Variants in SNTG2 observed in about 807,000 individuals in gnomAD.
The protein encoded by SNTG2 is syntrophin gamma 2.
SNTG2 carries 74 observed loss-of-function variants against 70.9 expected under a neutral mutation model. That is an observed-to-expected ratio of 1.04 (90% CI 0.86 to 1.27). The LOEUF is 1.27. Among genes scored for constraint, SNTG2 ranks in the 50% most tolerant of loss-of-function variants. The pLI is 0.00. For missense variants in SNTG2, 717 were observed against 690.7 expected (o/e 1.04, Z -0.43); for synonymous variants, 278 against 273.8 (o/e 1.02, Z -0.15).
chr2:987,265 G>C (rs2147974040), intron 1 of SNTG2, among the ~76,000 whole-genome samples: 1 of 152,306 alleles, frequency 6.6e-6, no homozygotes, highest in African/African-American at 2.4e-5. Flanking sequence ...ACTGCGCTGG[G>C]TTAAAGCCAG....
intron 14 of SNTG2, among the ~76,000 whole-genome samples, chr2:1,275,095 T>C (rs151018690): frequency 1.3e-5 from 2 of 152,270 alleles, no homozygotes; most frequent in East Asian, 3.9e-4. Flanking sequence ...CTGAAAAATC[T>C]CATCCAGTCT....
chr2:1,241,464 TC>T (rs1677039462), intron 11 of SNTG2, among the ~76,000 whole-genome samples: 1 of 150,194 alleles, frequency 6.7e-6, no homozygotes, highest in Non-Finnish European at 1.5e-5. Context: ...GAAAGCATTT[TC>T]TTTTTTTTTT....
In SNTG2 at chr2:1,165,571, C is replaced by A. The variant is rs199527480; in HGVS notation, c.435C>A (p.Gly145=). The change falls in exon 7 of 17, where the codon GGC becomes GGA. Residue 145 remains glycine (G), a synonymous_variant. Coordinates refer to ENST00000308624, the MANE Select transcript of SNTG2 (RefSeq NM_018968.4). ...AGGTGCATCTGCTGAGAAATGCTGG[C>A]GATGAAGTTACCATCACCGTTGAGT... The part of the protein sequence containing the change: ...EEVVHLLRNA[G]DEVTITVEYL... The A allele has an allele frequency of 1.2e-6, 2 of 1,611,566 alleles. No homozygotes were observed. The highest frequency in any genetic ancestry group is 2.2e-5 in the South Asian group (2 of 90,656).
intron 1 of SNTG2, among the ~76,000 whole-genome samples, chr2:1,040,741 C>A (rs1661389859): frequency 6.6e-6 from 1 of 152,192 alleles, no homozygotes; most frequent in African/African-American, 2.4e-5. Flanking sequence ...GATGAAGAAA[C>A]CTCATTTCTG....
intron 14 of SNTG2, among the ~76,000 whole-genome samples, chr2:1,290,268 AC>A (rs2148220198): frequency 6.6e-6 from 1 of 152,024 alleles, no homozygotes; most frequent in Admixed American, 6.5e-5. Context: ...AGCTGTCTTC[AC>A]ATGGTGGAGA....
chr2:1,156,305 G>A (rs757783276), intron 6 of SNTG2, among the ~76,000 whole-genome samples: 10 of 152,290 alleles, frequency 6.6e-5, no homozygotes, highest in Non-Finnish European at 1.3e-4. Flanking sequence ...CAGCTCTTTT[G>A]TTGGGGGGGA....
At chr2:1,000,467 A>C (rs2147987059) in intron 1 of SNTG2, among the ~76,000 whole-genome samples, 1 of 152,050 alleles carries the variant, frequency 6.6e-6, no homozygotes, top group Middle Eastern at 3.4e-3. Flanking sequence ...AGAAATACAA[A>C]AGATCCTCAG....
At chr2:1,011,091 C>T (rs185797986) in intron 1 of SNTG2, among the ~76,000 whole-genome samples, 47 of 152,244 alleles carry the variant, frequency 3.1e-4, no homozygotes, top group Middle Eastern at 3.4e-3. Flanking sequence ...GTTTATTGAA[C>T]GGAAGACAGA....
Position 1,102,580 on chromosome 2 carries a change from GAC to G in SNTG2, c.325+4174_325+4175del, listed in dbSNP as rs1211036155. The G allele has an allele frequency of 2.6e-5, 4 of 152,350 alleles. No individual in the cohort carries two copies. In the East Asian group the frequency reaches 7.7e-4, roughly 29 times the overall value. The allele number at this position is 152,350 out of a possible 1,614,324, so 9.4% of individuals were successfully genotyped here. A position where few individuals can be genotyped will look rare whatever the true frequency, so the allele number is the denominator to read the frequency against. On this transcript the variant is annotated intron_variant, in intron 4 of 16. Transcript: ENST00000308624. Reference sequence around the variant, plus strand: ...TGATGGTGCGTTTAATGAAATGGCCGACACAGGTCCTGGGTTGTTGAGTGAAT... The same window carrying G: ...TGATGGTGCGTTTAATGAAATGGCCGACAGGTCCTGGGTTGTTGAGTGAAT...
chr2:1,214,601 A>G (rs973041655), intron 9 of SNTG2, among the ~76,000 whole-genome samples: 2 of 152,080 alleles, frequency 1.3e-5, no homozygotes, highest in African/African-American at 4.8e-5. Flanking sequence ...GTATCCTGCA[A>G]ATTTTCTAAA....
At chr2:952,619 CTTGATTAT>C (rs1437257156) in intron 1 of SNTG2, among the ~76,000 whole-genome samples, 1 of 152,066 alleles carries the variant, frequency 6.6e-6, no homozygotes, top group Admixed American at 6.6e-5. Flanking sequence ...TAATAAGGAC[CTTGATTAT>C]TTGAAACAGC....
intron 16 of SNTG2, among the ~76,000 whole-genome samples, chr2:1,361,523 C>A (rs1020613007): frequency 6.6e-5 from 10 of 152,228 alleles, no homozygotes; most frequent in Admixed American, 5.9e-4. Context: ...AAAAATATAA[C>A]TTTTTAATAT....
chr2:1,105,990 C>A (rs1359881709), intron 4 of SNTG2, among the ~76,000 whole-genome samples: 1 of 152,072 alleles, frequency 6.6e-6, no homozygotes. Context: ...CATTGGGGTG[C>A]AGGGTATGGA....
At chr2:1,067,828 T>C (rs1663257374) in intron 1 of SNTG2, among the ~76,000 whole-genome samples, 2 of 152,200 alleles carry the variant, frequency 1.3e-5, no homozygotes, top group African/African-American at 2.4e-5. Context: ...CCGTAAATCA[T>C]GCCTGGGTGC....
intron 4 of SNTG2, among the ~76,000 whole-genome samples, chr2:1,129,012 C>G (rs1259072710): frequency 6.6e-6 from 1 of 152,178 alleles, no homozygotes; most frequent in Non-Finnish European, 1.5e-5. Flanking sequence ...GAATAAGTGT[C>G]TAGCCTTTCC....
chr2:1,358,507 G>A (rs1463244861), intron 16 of SNTG2, among the ~76,000 whole-genome samples: 1 of 151,562 alleles, frequency 6.6e-6, no homozygotes, highest in Non-Finnish European at 1.5e-5. Flanking sequence ...TTCCCTCTTG[G>A]CACTGTTTTT....
intron 4 of SNTG2, among the ~76,000 whole-genome samples, chr2:1,131,305 G>A (rs1296402914): frequency 6.6e-6 from 1 of 152,146 alleles, no homozygotes; most frequent in Non-Finnish European, 1.5e-5. Context: ...TTTAGGTGCT[G>A]GAGTGCTATT....
intron 8 of SNTG2, among the ~76,000 whole-genome samples, chr2:1,190,916 C>T (rs1419446519): frequency 6.6e-6 from 1 of 152,148 alleles, no homozygotes; most frequent in Non-Finnish European, 1.5e-5. Flanking sequence ...TTAGTACTAT[C>T]ATTTACAACT....
intron 14 of SNTG2, among the ~76,000 whole-genome samples, chr2:1,274,011 G>C (rs7575645): frequency 0.31 from 46,530 of 152,104 alleles, 8,016 homozygotes; most frequent in African/African-American, 0.47. Context: ...CTTCAAAAAA[G>C]ATTTCTAGAT....
Sources: allele counts gnomAD v4.1 joint callset (sites outside exome capture counted in the v4.1 genomes callset), GRCh38; gene constraint gnomAD v4.1.1; transcripts MANE v1.5; gene names NCBI Gene and HGNC (gene_info 2026-07-23, HGNC 2026-07-21).